Variants in DOCK8 observed in about 807,000 individuals in gnomAD.
The protein encoded by DOCK8 is dedicator of cytokinesis protein 8.
A neutral mutation model predicts 245.6 loss-of-function variants in DOCK8; 141 were observed. The ratio of observed to expected loss-of-function variants is 0.57; its 90% CI spans 0.50 to 0.66. The LOEUF (loss-of-function observed/expected upper bound fraction) is 0.66, where lower values mean the gene tolerates loss of function less well. DOCK8 is among the 30% of genes least tolerant of loss of function. The probability of loss-of-function intolerance (pLI) is 0.00; values close to 1 mark genes in which losing one functional copy is unlikely to be tolerated. For missense variants in DOCK8, 2,965 were observed against 2,603.4 expected (o/e 1.14, Z -3.02); for synonymous variants, 1,168 against 970.2 (o/e 1.20, Z -3.79).
chr9:260,616 C>T (rs541384771), intron 1 of DOCK8, among the ~76,000 whole-genome samples: 84 of 152,244 alleles, frequency 5.5e-4, no homozygotes, highest in African/African-American at 2.0e-3. Flanking sequence ...TGTATGAGTT[C>T]ACATGTACAG....
intron 1 of DOCK8, among the ~76,000 whole-genome samples, chr9:227,481 G>A (rs140464530): frequency 4.5e-4 from 69 of 152,276 alleles, no homozygotes; most frequent in African/African-American, 1.6e-3. Context: ...AATCTGCAGC[G>A]TTCCAGGTGG....
intron 12 of DOCK8, among the ~76,000 whole-genome samples, chr9:337,203 G>T (rs1279180336): frequency 2.0e-5 from 3 of 152,132 alleles, no homozygotes; most frequent in Non-Finnish European, 2.9e-5. Flanking sequence ...GCTTCACCAT[G>T]AGTTTTGAAG....
intron 26 of DOCK8, among the ~76,000 whole-genome samples, chr9:399,790 A>G (rs1429862224): frequency 2.6e-5 from 4 of 151,940 alleles, no homozygotes; most frequent in Non-Finnish European, 5.9e-5. Context: ...AGATTTTTAA[A>G]TGGAATTATT....
chr9:400,226 CCTCCACCAT>C (rs2054788791), intron 26 of DOCK8, among the ~76,000 whole-genome samples: 3 of 104,978 alleles, frequency 2.9e-5, no homozygotes, highest in Non-Finnish European at 4.3e-5. Flanking sequence ...ATCACCACCA[CCTCCACCAT>C]CACCACCACC....
intron 1 of DOCK8, among the ~76,000 whole-genome samples, chr9:231,005 G>C (rs1019238990): frequency 2.0e-4 from 30 of 152,120 alleles, no homozygotes. Flanking sequence ...GTATTGCCTA[G>C]GTTTTCTTCT....
At position 299,728 on chromosome 9, in the gene DOCK8, A is replaced by G. The variant is rs534225503; in HGVS notation, c.405-4853A>G. Among the ~76,000 whole-genome samples the G allele has an allele frequency of 3.3e-5, 5 of 151,836 alleles. No individual in the cohort carries two copies. In the East Asian group the frequency reaches 9.7e-4, roughly 30 times the overall value. The stretch of plus-strand genomic sequence containing the variant: ...TTCAAGCGGCCAGGGGATGCTGAAG[A>G]TGGCCCATTATGGCCGGGCGCGGTG... On this transcript the variant is annotated intron_variant, in intron 4 of 47. Transcript: ENST00000432829.
intron 14 of DOCK8, chr9:366,442 T>G (rs993936900): frequency 6.6e-6 from 1 of 152,202 alleles, no homozygotes; most frequent in Admixed American, 6.5e-5. Context: ...TTGTTCCAAT[T>G]ATCATTTTTC....
intron 1 of DOCK8, among the ~76,000 whole-genome samples, chr9:252,768 A>C (rs1394600733): frequency 3.3e-5 from 5 of 150,562 alleles, no homozygotes. Flanking sequence ...ACTGCACTCC[A>C]GCCTGGGCAA....
intron 1 of DOCK8, among the ~76,000 whole-genome samples, chr9:215,960 A>T (rs889563260): frequency 4.6e-5 from 7 of 152,188 alleles, no homozygotes; most frequent in African/African-American, 1.4e-4. Context: ...GTTAATCTTC[A>T]CTTAGCTGAG....
intron 14 of DOCK8, 48 bp from the exon 15 acceptor site, chr9:367,970 A>G (rs760370049): frequency 6.7e-7 from 1 of 1,498,992 alleles, no homozygotes; most frequent in African/African-American, 1.4e-5. Flanking sequence ...ACTTAGTTAA[A>G]ATAAACTCTA....
At position 400,046 on chromosome 9, in the gene DOCK8, C is replaced by CCACCAT. The variant is rs1564011804; in HGVS notation, c.3234+793_3234+798dup. The stretch of plus-strand genomic sequence containing the variant: ...ACCTCCACCATCACCACCACCACCT[C>CCACCAT]CACCATCACCACCTCCTTCACCATC... On this transcript the variant is annotated intron_variant, in intron 26 of 47. Transcript: ENST00000432829. Among the ~76,000 whole-genome samples, 27 of 125,776 alleles carry CCACCAT rather than the reference C, an allele frequency of 2.1e-4. 1 individual carries two copies. In the South Asian group the frequency reaches 2.8e-3, roughly 13 times the overall value. The allele number at this position is 125,776 out of a possible 152,430, so 82.5% of individuals were successfully genotyped here. A position where few individuals can be genotyped will look rare whatever the true frequency, so the allele number is the denominator to read the frequency against.
chr9:449,656 A>C, intron 44 of DOCK8, 128 bp from the exon 45 acceptor site: 2 of 1,192,766 alleles, frequency 1.7e-6, no homozygotes, highest in Non-Finnish European at 2.5e-6. Flanking sequence ...AGAGTATTTT[A>C]AATTACTCTG....
intron 5 of DOCK8, among the ~76,000 whole-genome samples, chr9:307,329 GTTTTTTTTGTTTTTTTTTTTTTTT>G (rs551039800): frequency 0.14 from 10,115 of 74,836 alleles, 1,522 homozygotes; most frequent in Non-Finnish European, 0.18. Flanking sequence ...GTTGTGTGTG[GTTTTTTTTGTTTTTTTTTTTTTTT>G]TTTTTTTTTT....
chr9:274,365 C>T (rs1006530505), intron 2 of DOCK8, among the ~76,000 whole-genome samples: 4 of 152,106 alleles, frequency 2.6e-5, no homozygotes, highest in African/African-American at 9.7e-5. Context: ...CTTTACTTTT[C>T]TGAATCTCTT....
chr9:294,183 T>C (rs1586621906), intron 4 of DOCK8, among the ~76,000 whole-genome samples: 3 of 152,366 alleles, frequency 2.0e-5, no homozygotes, highest in South Asian at 4.1e-4. Context: ...GAATGTGTCC[T>C]AAGTTACTGA....
At chr9:213,089 T>A, upstream of DOCK8, 1 of 152,210 alleles carries the variant, frequency 6.6e-6, no homozygotes, top group East Asian at 1.9e-4. Flanking sequence ...ATAAGGACAG[T>A]TTTGAAAGTC....
chr9:330,848 T>C (rs762813290), intron 9 of DOCK8, among the ~76,000 whole-genome samples: 2 of 152,202 alleles, frequency 1.3e-5, no homozygotes, highest in Non-Finnish European at 2.9e-5. Context: ...TAGGTTCTCA[T>C]GTCGGTCTGC....
chr9:258,877 C>T (rs1261100841), intron 1 of DOCK8, among the ~76,000 whole-genome samples: 1 of 152,034 alleles, frequency 6.6e-6, no homozygotes, highest in African/African-American at 2.4e-5. Context: ...GGATTACGGG[C>T]GTGAGCCACC....
intron 14 of DOCK8, among the ~76,000 whole-genome samples, chr9:360,526 A>G (rs559820689): frequency 1.3e-5 from 2 of 152,212 alleles, no homozygotes; most frequent in Non-Finnish European, 2.9e-5. Context: ...AAGTAGCAGG[A>G]AAAAATTTTT....
Sources: allele counts gnomAD v4.1 joint callset (sites outside exome capture counted in the v4.1 genomes callset), GRCh38; gene constraint gnomAD v4.1.1; transcripts MANE v1.5; gene names NCBI Gene and HGNC (gene_info 2026-07-23, HGNC 2026-07-21).